KIRREL3: variants seen among roughly 807,000 people sequenced by gnomAD.
The protein encoded by KIRREL3 is kirre like nephrin family adhesion molecule 3, also known as kin of IRRE-like protein 3.
In KIRREL3, 36 loss-of-function variants were observed where a neutral mutation model predicts 89.7. The observed-to-expected ratio is 0.40, with a 90% CI of 0.31 to 0.53. The LOEUF is 0.53. KIRREL3 is among the 20% of genes least tolerant of loss of function. KIRREL3 has a pLI of 0.49. For missense variants in KIRREL3, 864 were observed against 1,056.6 expected (o/e 0.82, Z 2.53); for synonymous variants, 445 against 441.4 (o/e 1.01, Z -0.10).
At position 126,623,936 on chromosome 11, in the gene KIRREL3, G is replaced by A. The variant is rs535960539; in HGVS notation, c.56-61024C>T. On this transcript the variant is annotated intron_variant, in intron 1 of 16. Transcript: ENST00000525144. The surrounding 1 kb of genome is among the most constrained non-coding windows in gnomAD (Gnocchi z 4.1). ...TTATTCATTGAGAAAGTAACGGTGA[G>A]CAGTTTTGTGAATTCTGTGAATTAC... Among the ~76,000 whole-genome samples the A allele has an allele frequency of 1.8e-4, 28 of 152,270 alleles. 1 individual carries two copies. In the South Asian group the frequency reaches 5.8e-3, roughly 32 times the overall value.
At position 126,624,416 on chromosome 11, in the gene KIRREL3, A is replaced by C. The variant is rs913570768; in HGVS notation, c.56-61504T>G. Among the ~76,000 whole-genome samples the C allele has an allele frequency of 2.6e-5, 4 of 152,224 alleles. No individual in the cohort carries two copies. The highest frequency in any genetic ancestry group is 4.4e-5 in the Non-Finnish European group (3 of 68,046). Reference sequence around the variant, plus strand: ...AATCACTTACACCAGAGATGAGAAAAGCACCATCAGGTGCTTAAAACACAA... The same window carrying C: ...AATCACTTACACCAGAGATGAGAAACGCACCATCAGGTGCTTAAAACACAA... On this transcript the variant is annotated intron_variant, in intron 1 of 16. Coordinates refer to ENST00000525144, the MANE Select transcript of KIRREL3 (RefSeq NM_032531.4). The surrounding 1 kb of genome is among the most constrained non-coding windows in gnomAD (Gnocchi z 6.0).
At chr11:126,450,678 T>G (rs1351562207) in intron 7 of KIRREL3, among the ~76,000 whole-genome samples, 1 of 149,370 alleles carries the variant, frequency 6.7e-6, no homozygotes, top group East Asian at 2.0e-4. Context: ...TGTGTCCATG[T>G]GCATGGTGCG....
chr11:126,637,580 G>A (rs921788378), intron 1 of KIRREL3, among the ~76,000 whole-genome samples: 1 of 151,992 alleles, frequency 6.6e-6, no homozygotes, highest in Non-Finnish European at 1.5e-5. Flanking sequence ...TCAATTCAAA[G>A]AAAAAAATGA....
rs545473298 is a variant in KIRREL3, at chr11:126,703,982, C to A, written c.56-141070G>T. Among the ~76,000 whole-genome samples, 2 of 152,192 alleles carry A rather than the reference C, an allele frequency of 1.3e-5. No homozygotes were observed. Among genetic ancestry groups the A allele is most frequent in the Non-Finnish European group, 2.9e-5 (2 of 68,038 alleles). On this transcript the variant is annotated intron_variant, in intron 1 of 16. Transcript: ENST00000525144. The surrounding 1 kb of genome is among the most constrained non-coding windows in gnomAD (Gnocchi z 4.6). ...ATTTCTGTCAGATTGCTTGAACTCA[C>A]TCTCTGGAATCACTGCGCCCATCTT...
intron 4 of KIRREL3, among the ~76,000 whole-genome samples, chr11:126,506,986 T>C (rs1958041148): frequency 6.6e-6 from 1 of 152,168 alleles, no homozygotes; most frequent in African/African-American, 2.4e-5. Context: ...GACTGGCGAA[T>C]GGATAAACAG....
chr11:126,725,865 C>T (rs553990614), intron 1 of KIRREL3, among the ~76,000 whole-genome samples: 4 of 152,364 alleles, frequency 2.6e-5, no homozygotes, highest in African/African-American at 9.6e-5. Context: ...CTCGCTGAGT[C>T]TCAGTTTCCT....
chr11:126,768,847 C>T lies in KIRREL3; in HGVS notation c.56-205935G>A, dbSNP rs1273150867. Among the ~76,000 whole-genome samples, 2 of 152,170 alleles carry T rather than the reference C, an allele frequency of 1.3e-5. No homozygotes were observed. Among genetic ancestry groups the T allele is most frequent in the East Asian group, 1.9e-4 (1 of 5,186 alleles). Reference sequence around the variant, plus strand: ...GTCTGAGCAGTCGGCGGAGACCAGACATAGAGCTCCATGGAGCACGAGAGC... The same window carrying T: ...GTCTGAGCAGTCGGCGGAGACCAGATATAGAGCTCCATGGAGCACGAGAGC... On this transcript the variant is annotated intron_variant, in intron 1 of 16. Transcript: ENST00000525144. This position sits in a 1 kb window ranked among gnomAD's most constrained non-coding sequence, Gnocchi z 4.5.
At chr11:126,790,627 A>G (rs1448991363) in intron 1 of KIRREL3, among the ~76,000 whole-genome samples, 2 of 152,130 alleles carry the variant, frequency 1.3e-5, no homozygotes, top group East Asian at 1.9e-4. Context: ...CCTGTGTCGC[A>G]CCAAGCTTGA....
In KIRREL3 at chr11:126,446,828, G is replaced by A; in HGVS notation, c.1056C>T (p.Ala352=). 1 of 1,602,638 alleles carries A rather than the reference G, an allele frequency of 6.2e-7. No homozygotes were observed. The highest frequency in any genetic ancestry group is 8.5e-7 in the Non-Finnish European group (1 of 1,174,844). ...TGCCGGTCCAGGCGCAGCTGAAGAT[G>A]GCATCAGAGCCCAGATCCACGAGCA... The part of the protein sequence containing the change: ...QSLLVDLGSD[A]IFSCAWTGNP... Residue 352 remains alanine, a synonymous_variant, in exon 9 of 17, where the codon GCC becomes GCT. Transcript: ENST00000525144.
intron 1 of KIRREL3, among the ~76,000 whole-genome samples, chr11:126,762,376 C>T (rs1949691904): frequency 6.6e-6 from 1 of 152,086 alleles, no homozygotes; most frequent in African/African-American, 2.4e-5. Context: ...CCAACTGAGA[C>T]AAAAATTCCT....
At chr11:126,438,981 CAT>C (rs1955461316) in intron 11 of KIRREL3, among the ~76,000 whole-genome samples, 1 of 152,186 alleles carries the variant, frequency 6.6e-6, no homozygotes, top group Non-Finnish European at 1.5e-5. Flanking sequence ...AGGATTTTGC[CAT>C]ACACTGGGAA....
rs1202938026 is a variant in KIRREL3, at chr11:126,563,325, A to C, written c.56-413T>G. ...CTCAGATCAACTTGGGACTGTGGCC[A>C]GACCTGCCAGGGATGATGCAGAATC... On this transcript the variant is annotated intron_variant, in intron 1 of 16. Transcript: ENST00000525144. The surrounding 1 kb of genome is among the most constrained non-coding windows in gnomAD (Gnocchi z 6.8). 2.0e-5 allele frequency among the ~76,000 whole-genome samples: 3 copies of C among 152,200 alleles called. No homozygotes were observed. Among genetic ancestry groups the C allele is most frequent in the African/African-American group, 7.2e-5 (3 of 41,450 alleles).
intron 1 of KIRREL3, among the ~76,000 whole-genome samples, chr11:126,716,117 G>A (rs1359447844): frequency 6.6e-6 from 1 of 151,776 alleles, no homozygotes; most frequent in East Asian, 1.9e-4. Flanking sequence ...GAGTGATAGG[G>A]AGACAGGAGG....
intron 1 of KIRREL3, among the ~76,000 whole-genome samples, chr11:126,658,020 C>T (rs1591896588): frequency 6.6e-6 from 1 of 152,210 alleles, no homozygotes. Flanking sequence ...GGCTGCTCAC[C>T]CAATCCCTTT....
intron 2 of KIRREL3, among the ~76,000 whole-genome samples, chr11:126,529,991 C>G (rs912117294): frequency 1.3e-5 from 2 of 150,476 alleles, no homozygotes; most frequent in South Asian, 2.1e-4. Context: ...ATCTGACAGA[C>G]CTTAGGGCCT....
Position 126,943,740 on chromosome 11 carries a change from A to G in KIRREL3, c.55+56715T>C, listed in dbSNP as rs1299960334. 6.6e-6 allele frequency among the ~76,000 whole-genome samples: 1 copy of G among 152,180 alleles called. No homozygotes were observed. Among genetic ancestry groups the G allele is most frequent in the Non-Finnish European group, 1.5e-5 (1 of 68,034 alleles). ...GAGGCATTAAAGGGCCACCTCCTAT[A>G]GTGAAAGGAAGGCTGCCACATTTCC... On this transcript the variant is annotated intron_variant, in intron 1 of 16. Transcript: ENST00000525144. The surrounding 1 kb of genome is among the most constrained non-coding windows in gnomAD (Gnocchi z 4.2).
intron 1 of KIRREL3, among the ~76,000 whole-genome samples, chr11:126,717,411 C>A (rs2134161519): frequency 6.6e-6 from 1 of 152,336 alleles, no homozygotes; most frequent in South Asian, 2.1e-4. Flanking sequence ...GCTATGTGAA[C>A]CAGCAGTGAT....
At chr11:126,657,278 A>AATCAATCAATC (rs1555170336) in intron 1 of KIRREL3, among the ~76,000 whole-genome samples, 7 of 151,824 alleles carry the variant, frequency 4.6e-5, no homozygotes, top group African/African-American at 1.7e-4. Context: ...ATAAATAAAT[A>AATCAATCAATC]AATCTTCATG....
At chr11:126,453,481 A>C (rs1956248410) in intron 7 of KIRREL3, among the ~76,000 whole-genome samples, 1 of 152,264 alleles carries the variant, frequency 6.6e-6, no homozygotes, top group Non-Finnish European at 1.5e-5. Context: ...GATGAATGAA[A>C]GTAAAGAAAC....
Sources: allele counts gnomAD v4.1 joint callset (sites outside exome capture counted in the v4.1 genomes callset), GRCh38; gene constraint gnomAD v4.1.1; non-coding constraint Gnocchi (gnomAD v3.1); transcripts MANE v1.5; gene names NCBI Gene and HGNC (gene_info 2026-07-23, HGNC 2026-07-21).